The following REDIC1 variants were observed in gnomAD, a reference collection of about 807,000 sequenced individuals.
The protein encoded by REDIC1 is regulator of DNA class I crossover intermediates 1.
chr12:39,684,193 C>A, the REDIC1 span: 1 of 1,033,766 alleles, frequency 9.7e-7, no homozygotes, highest in Non-Finnish European at 1.2e-6. Context: ...TAAATTTATT[C>A]CTTAAAAGTT....
the REDIC1 span, chr12:39,643,859 CT>C: frequency 1.3e-6 from 2 of 1,578,708 alleles, no homozygotes; most frequent in African/African-American, 2.7e-5. Flanking sequence ...CTGCTGTCAG[CT>C]TAGACATTCT....
chr12:39,692,195 T>C, the REDIC1 span: 1 of 1,251,880 alleles, frequency 8.0e-7, no homozygotes, highest in Non-Finnish European at 1.1e-6. Flanking sequence ...GAAGTGATTT[T>C]TTAGATGTTT....
chr12:39,819,108 C>CAGA, the REDIC1 span, among the ~76,000 whole-genome samples: 1 of 152,134 alleles, frequency 6.6e-6, no homozygotes, highest in African/African-American at 2.4e-5. Context: ...TCTGAGGCTT[C>CAGA]AGAAGTTATG....
At chr12:39,885,080 T>TTAA in the REDIC1 span, among the ~76,000 whole-genome samples, 3 of 152,194 alleles carry the variant, frequency 2.0e-5, no homozygotes, top group African/African-American at 7.2e-5. Context: ...GTGACTACAT[T>TTAA]TAAGAGTTGC....
the REDIC1 span, among the ~76,000 whole-genome samples, chr12:39,693,469 A>T: frequency 1.6e-4 from 24 of 151,896 alleles, no homozygotes; most frequent in Admixed American, 1.2e-3. Flanking sequence ...TTTTAAAAAA[A>T]TAAATCCTAA....
chr12:39,800,637 C>T, the REDIC1 span, among the ~76,000 whole-genome samples: 1 of 39,466 alleles, frequency 2.5e-5, no homozygotes, highest in Non-Finnish European at 5.1e-5. Context: ...AACACTTTTA[C>T]ACTGTTGGTG....
chr12:39,744,738 C>T, the REDIC1 span, among the ~76,000 whole-genome samples: 793 of 152,014 alleles, frequency 5.2e-3, 3 homozygotes, highest in South Asian at 0.029. Flanking sequence ...AATGGAATAA[C>T]ATAAAATGCT....
At chr12:39,905,542 C>A in the REDIC1 span, among the ~76,000 whole-genome samples, 1 of 152,038 alleles carries the variant, frequency 6.6e-6, no homozygotes, top group Non-Finnish European at 1.5e-5. Flanking sequence ...AGAATACTAC[C>A]TTTAAGTAAA....
At chr12:39,858,761 C>T in the REDIC1 span, among the ~76,000 whole-genome samples, 5 of 152,210 alleles carry the variant, frequency 3.3e-5, no homozygotes, top group Admixed American at 6.5e-5. Context: ...AGCCTGCCAC[C>T]ACACTTGGCT....
At chr12:39,768,547 A>G in the REDIC1 span, among the ~76,000 whole-genome samples, 1 of 152,166 alleles carries the variant, frequency 6.6e-6, no homozygotes, top group East Asian at 1.9e-4. Flanking sequence ...TTTAGAGGCC[A>G]TTGTAGAGTT....
chr12:39,658,506 T>C, the REDIC1 span, among the ~76,000 whole-genome samples: 1 of 152,232 alleles, frequency 6.6e-6, no homozygotes, highest in Non-Finnish European at 1.5e-5. Context: ...ATTAATTCCT[T>C]TGTGGACAAG....
chr12:39,759,084 A>C, the REDIC1 span: 1 of 152,520 alleles, frequency 6.6e-6, no homozygotes, highest in African/African-American at 2.4e-5. Context: ...TGTATGTAAC[A>C]CAAATGAAGG....
At chr12:39,796,446 TAAAC>T in the REDIC1 span, among the ~76,000 whole-genome samples, 1 of 141,960 alleles carries the variant, frequency 7.0e-6, no homozygotes, top group Non-Finnish European at 1.5e-5. Context: ...AAAAAAAACC[TAAAC>T]AAACAAAAAA....
the REDIC1 span, chr12:39,764,534 G>C: frequency 8.9e-5 from 143 of 1,612,216 alleles, no homozygotes; most frequent in Non-Finnish European, 1.2e-4. Context: ...GTTTATTCCA[G>C]ATGAACATGC....
chr12:39,727,024 C>G, the REDIC1 span, among the ~76,000 whole-genome samples: 4 of 152,080 alleles, frequency 2.6e-5, no homozygotes, highest in African/African-American at 4.8e-5. Flanking sequence ...TGTTTTTCTT[C>G]TTGTAAATTT....
At chr12:39,627,530 T>C in the REDIC1 span, among the ~76,000 whole-genome samples, 1 of 152,226 alleles carries the variant, frequency 6.6e-6, no homozygotes, top group African/African-American at 2.4e-5. Context: ...TTTTAGTTGC[T>C]ACTGGGAGGA....
the REDIC1 span, among the ~76,000 whole-genome samples, chr12:39,808,456 A>C: frequency 6.6e-6 from 1 of 152,124 alleles, no homozygotes; most frequent in Non-Finnish European, 1.5e-5. Flanking sequence ...ATTTGACTAA[A>C]TGTGTCATAA....
At chr12:39,764,506 C>G in the REDIC1 span, 579 of 1,610,290 alleles carry the variant, frequency 3.6e-4, 3 homozygotes, top group African/African-American at 6.6e-3. Flanking sequence ...TTAGTGAAAC[C>G]AGGACATTGA....
At chr12:39,763,082 A>G in the REDIC1 span, among the ~76,000 whole-genome samples, 1 of 152,080 alleles carries the variant, frequency 6.6e-6, no homozygotes, top group Non-Finnish European at 1.5e-5. Context: ...AGTGTTCTCT[A>G]GAATCAGTAA....
Sources: allele counts gnomAD v4.1 joint callset (sites outside exome capture counted in the v4.1 genomes callset), GRCh38; gene constraint gnomAD v4.1.1; transcripts MANE v1.5; gene names NCBI Gene and HGNC (gene_info 2026-07-23, HGNC 2026-07-21).